Variants in ZFAT observed in about 807,000 individuals in gnomAD.
The protein encoded by ZFAT is zinc finger protein ZFAT.
A neutral mutation model predicts 117.7 loss-of-function variants in ZFAT; 64 were observed. The observed-to-expected ratio is 0.54, with a 90% CI of 0.44 to 0.67. The LOEUF is 0.67. Ranked by LOEUF, ZFAT falls within the 30% of genes least tolerant of loss-of-function variation. ZFAT has a pLI of 0.00. For synonymous variants in ZFAT, 679 were observed against 615.0 expected (o/e 1.10, Z -1.54); for missense variants, 1,433 against 1,584.5 (o/e 0.90, Z 1.62).
chr8:134,586,478 G>A (rs1826077642), intron 9 of ZFAT, among the ~76,000 whole-genome samples: 1 of 152,198 alleles, frequency 6.6e-6, no homozygotes, highest in South Asian at 2.1e-4. Flanking sequence ...GGTGGGATTT[G>A]AACCCAGTTC....
intron 11 of ZFAT, among the ~76,000 whole-genome samples, chr8:134,548,562 C>CA (rs1481188782): frequency 6.6e-6 from 1 of 152,156 alleles, no homozygotes; most frequent in Non-Finnish European, 1.5e-5. Flanking sequence ...ACATGGGGTT[C>CA]ATTATACTAT....
At chr8:134,821,323 T>C in the ZFAT span, among the ~76,000 whole-genome samples, 1 of 152,088 alleles carries the variant, frequency 6.6e-6, no homozygotes, top group Non-Finnish European at 1.5e-5. Flanking sequence ...GATCAAAGGG[T>C]AATGTGGCTG....
At chr8:134,615,249 C>T (rs187794753) in intron 3 of ZFAT, among the ~76,000 whole-genome samples, 4 of 152,274 alleles carry the variant, frequency 2.6e-5, no homozygotes, top group African/African-American at 9.6e-5. Flanking sequence ...TGGAGTGGTG[C>T]GATCTTGGCT....
intron 9 of ZFAT, among the ~76,000 whole-genome samples, chr8:134,586,243 T>G (rs1461360639): frequency 6.6e-6 from 1 of 152,250 alleles, no homozygotes; most frequent in African/African-American, 2.4e-5. Context: ...AATATTAGAT[T>G]ACTTTCAAAT....
chr8:134,645,403 T>G (rs1014018842), intron 2 of ZFAT, among the ~76,000 whole-genome samples: 1 of 152,210 alleles, frequency 6.6e-6, no homozygotes, highest in Non-Finnish European at 1.5e-5. Context: ...TTTAAAATTT[T>G]TTGTCATGTT....
At chr8:134,538,345 C>T (rs10101410) in intron 11 of ZFAT, among the ~76,000 whole-genome samples, 77,327 of 151,836 alleles carry the variant, frequency 0.51, 19,901 homozygotes, top group East Asian at 0.67. Flanking sequence ...GACCTGGCAA[C>T]CAGGGGGTGG....
chr8:134,680,104 C>A (rs1833000939), intron 1 of ZFAT, among the ~76,000 whole-genome samples: 1 of 148,668 alleles, frequency 6.7e-6, no homozygotes, highest in Non-Finnish European at 1.5e-5. Context: ...AAAAAAAAAA[C>A]AGAAAAAATT....
chr8:134,646,081 C>T (rs917914583), intron 2 of ZFAT, among the ~76,000 whole-genome samples: 8 of 151,420 alleles, frequency 5.3e-5, no homozygotes, highest in South Asian at 2.1e-4. Context: ...TGGTGGCGGG[C>T]GCCTGTAGTC....
rs925679268 is a variant in ZFAT, at chr8:134,532,817, G to A, written c.3115+17C>T. ...AAGGAAGCGGGCAGGGCCCCAGCTC[G>A]CTGGCCCCTCGCCTACCTTGCTGGA... On this transcript the variant is annotated intron_variant, in intron 12 of 15. Coordinates refer to ENST00000377838, the MANE Select transcript of ZFAT (RefSeq NM_020863.4). The A allele has an allele frequency of 1.7e-5, 28 of 1,607,972 alleles. No individual in the cohort carries two copies. The highest frequency in any genetic ancestry group is 2.3e-5 in the Non-Finnish European group (27 of 1,178,120).
At chr8:134,637,278 C>T (rs1830274554) in intron 3 of ZFAT, among the ~76,000 whole-genome samples, 183 bp downstream of exon 3, 1 of 152,344 alleles carries the variant, frequency 6.6e-6, no homozygotes, top group Middle Eastern at 3.4e-3. Flanking sequence ...CCAGATGACA[C>T]ATTCACTTCA....
chr8:134,702,126 G>C (rs1834025355), intron 1 of ZFAT, among the ~76,000 whole-genome samples: 4 of 152,182 alleles, frequency 2.6e-5, no homozygotes, highest in Admixed American at 2.0e-4. Context: ...CACCCAGCAA[G>C]AAGGCCCTCA....
At chr8:134,708,503 G>A (rs979972413) in intron 1 of ZFAT, among the ~76,000 whole-genome samples, 3 of 150,890 alleles carry the variant, frequency 2.0e-5, no homozygotes, top group Admixed American at 6.6e-5. Context: ...TTTTAAGTCC[G>A]TGTTTTTCTA....
In ZFAT at chr8:134,590,345, C is replaced by T. The variant is rs750882802; in HGVS notation, c.2486G>A (p.Ser829Asn). The change falls in exon 8 of 16, where the codon AGT (serine) becomes AAT (asparagine). Residue 829 changes from serine (S) to asparagine (N), a missense_variant. Around this residue, in one of 5 missense-constraint regions of ZFAT, gnomAD observed 503 missense variants for 543.4 expected, o/e 0.93. Coordinates refer to ENST00000377838, the MANE Select transcript of ZFAT (RefSeq NM_020863.4). ...LKVHTALDKR[S>N]YSCPVCEKSF... is the part of the protein sequence containing the mutation. ...CTTTTCACAAACAGGACAAGAATAA[C>T]TCCTTTTGTCCTTAATAGAAAGAGA... 8.1e-6 allele frequency: 13 copies of T among 1,611,076 alleles called. No homozygotes were observed. In the South Asian group the frequency reaches 1.4e-4, roughly 18 times the overall value.
In ZFAT at chr8:134,602,655, T is replaced by G. The variant is rs754435101; in HGVS notation, c.1064A>C (p.His355Pro). The change falls in exon 6 of 16, where the codon CAC becomes CCC. Residue 355 changes from histidine to proline, a missense_variant. Coordinates refer to ENST00000377838, the MANE Select transcript of ZFAT (RefSeq NM_020863.4). ...GTACTTCTTCTTGCAGAAGCGGCAG[T>G]GCTGCTTGATCTTCTTGTGCACTCG... is the stretch of plus-strand genomic sequence containing the variant. ...IERVHKKIKQ[H>P]CRFCKKKYSD... 1 of 1,614,090 alleles carries G rather than the reference T, an allele frequency of 6.2e-7. No homozygotes were observed. Among genetic ancestry groups the G allele is most frequent in the African/African-American group, 1.3e-5 (1 of 74,944 alleles).
chr8:134,823,871 T>A, the ZFAT span, among the ~76,000 whole-genome samples: 1 of 152,226 alleles, frequency 6.6e-6, no homozygotes, highest in Non-Finnish European at 1.5e-5. Context: ...TAAGTGCAAA[T>A]GGGTGCCTTT....
At chr8:134,728,954 A>G in the ZFAT span, among the ~76,000 whole-genome samples, 1 of 152,276 alleles carries the variant, frequency 6.6e-6, no homozygotes, top group East Asian at 1.9e-4. Context: ...AAGAAAATAT[A>G]TGACTTTTTA....
At chr8:134,544,809 G>A (rs1214862823) in intron 11 of ZFAT, among the ~76,000 whole-genome samples, 1 of 152,130 alleles carries the variant, frequency 6.6e-6, no homozygotes, top group Admixed American at 6.5e-5. Flanking sequence ...CTGGCAACAC[G>A]GAATGTTCAC....
At chr8:134,550,692 T>C (rs1039072745) in intron 11 of ZFAT, among the ~76,000 whole-genome samples, 2 of 152,030 alleles carry the variant, frequency 1.3e-5, no homozygotes, top group African/African-American at 4.8e-5. Flanking sequence ...TCCAATTTCC[T>C]TTTTTTTCCA....
chr8:134,700,998 A>G (rs1351381111), intron 1 of ZFAT, among the ~76,000 whole-genome samples: 4 of 151,622 alleles, frequency 2.6e-5, no homozygotes, highest in Non-Finnish European at 5.9e-5. Flanking sequence ...CCCCACCCCC[A>G]TGTAAATGTG....
Sources: gnomAD v4.1 joint callset for allele counts (sites outside exome capture counted in the v4.1 genomes callset) on GRCh38, gnomAD v4.1.1 for gene constraint, gnomAD v4.1.1 regional missense constraint, MANE v1.5 for transcripts, NCBI Gene and HGNC (gene_info 2026-07-23, HGNC 2026-07-21) for gene names.